Variants in FAM222A observed in about 807,000 individuals in gnomAD.
FAM222A encodes family with sequence similarity 222 member A.
In FAM222A, 7 loss-of-function variants were observed where a neutral mutation model predicts 25.8. That is an observed-to-expected ratio of 0.27 (90% CI 0.15 to 0.51). FAM222A has a LOEUF of 0.51. FAM222A is among the 20% of genes least tolerant of loss of function. The pLI, the probability that FAM222A is intolerant of heterozygous loss-of-function variation, is 0.97. For synonymous variants in FAM222A, 294 were observed against 298.8 expected (o/e 0.98, Z 0.17); for missense variants, 573 against 640.5 (o/e 0.89, Z 1.14).
At chr12:109,726,427 A>G (rs4766626) in intron 1 of FAM222A, among the ~76,000 whole-genome samples, 1 of 152,044 alleles carries the variant, frequency 6.6e-6, no homozygotes, top group Non-Finnish European at 1.5e-5. Flanking sequence ...TGTGAGGGCC[A>G]CAGTCCCACA....
At chr12:109,755,287 C>T (rs373834928) in intron 2 of FAM222A, among the ~76,000 whole-genome samples, 193 of 49,426 alleles carry the variant, frequency 3.9e-3, no homozygotes, top group African/African-American at 0.017. Context: ...TGTAATTCTT[C>T]TTTTTTTTTT....
At chr12:109,766,062 G>A (rs1468649263) in intron 2 of FAM222A, among the ~76,000 whole-genome samples, 4 of 152,156 alleles carry the variant, frequency 2.6e-5, no homozygotes, top group Admixed American at 1.3e-4. Flanking sequence ...TGAGCTCCAA[G>A]CACCTATCAT....
chr12:109,720,503 G>A (rs1242489894), intron 1 of FAM222A, among the ~76,000 whole-genome samples: 2 of 152,246 alleles, frequency 1.3e-5, no homozygotes, highest in African/African-American at 4.8e-5. Context: ...TGAATGCAGG[G>A]CTTGGCCCTG....
intron 2 of FAM222A, among the ~76,000 whole-genome samples, chr12:109,756,160 T>C (rs970527118): frequency 6.6e-6 from 1 of 152,252 alleles, no homozygotes; most frequent in Admixed American, 6.5e-5. Context: ...TTTGCTCTTT[T>C]GTTAAATTTA....
intron 1 of FAM222A, 57 bp from the exon 2 acceptor site, chr12:109,744,044 G>A: frequency 1.3e-6 from 2 of 1,486,972 alleles, no homozygotes; most frequent in Non-Finnish European, 1.8e-6. Context: ...GGGGAATGGT[G>A]GGAGGCGAAC....
chr12:109,762,778 A>G (rs954737726), intron 2 of FAM222A, among the ~76,000 whole-genome samples: 1 of 152,206 alleles, frequency 6.6e-6, no homozygotes, highest in Admixed American at 6.5e-5. Context: ...TGAGCTCAGG[A>G]AAGTCCTTCA....
At chr12:109,755,018 C>T (rs1842894258) in intron 2 of FAM222A, among the ~76,000 whole-genome samples, 1 of 152,102 alleles carries the variant, frequency 6.6e-6, no homozygotes, top group Non-Finnish European at 1.5e-5. Context: ...AGTTGTAAAA[C>T]TTCTTCATAT....
intron 1 of FAM222A, among the ~76,000 whole-genome samples, chr12:109,717,002 C>T (rs762277721): frequency 5.3e-4 from 80 of 152,208 alleles, no homozygotes; most frequent in African/African-American, 1.7e-3. Context: ...TGCAGAGGTT[C>T]GGTCCTGAAT....
At chr12:109,761,356 C>T (rs556139308) in intron 2 of FAM222A, among the ~76,000 whole-genome samples, 4 of 152,308 alleles carry the variant, frequency 2.6e-5, no homozygotes, top group African/African-American at 7.2e-5. Context: ...AAGGGCACTA[C>T]CCCAGGCTCC....
At chr12:109,757,614 A>G (rs1039825403) in intron 2 of FAM222A, among the ~76,000 whole-genome samples, 1 of 152,216 alleles carries the variant, frequency 6.6e-6, no homozygotes, top group Non-Finnish European at 1.5e-5. Context: ...CAGGATAGAA[A>G]GGATTTCCAA....
chr12:109,738,567 A>C (rs1459450638), intron 1 of FAM222A, among the ~76,000 whole-genome samples: 1 of 152,178 alleles, frequency 6.6e-6, no homozygotes, highest in Non-Finnish European at 1.5e-5. Flanking sequence ...GGCCCTGAGG[A>C]GTGGCCAGCA....
chr12:109,736,543 C>A (rs1888092179), intron 1 of FAM222A, among the ~76,000 whole-genome samples: 1 of 151,980 alleles, frequency 6.6e-6, no homozygotes, highest in African/African-American at 2.4e-5. Flanking sequence ...TACATCATGA[C>A]CCCCCCAGGC....
At chr12:109,749,621 A>G (rs1259504822) in intron 2 of FAM222A, among the ~76,000 whole-genome samples, 3 of 152,182 alleles carry the variant, frequency 2.0e-5, no homozygotes, top group Non-Finnish European at 2.9e-5. Flanking sequence ...CCCATTAATT[A>G]GGCTATTAGG....
chr12:109,761,493 C>G (rs1253326294), intron 2 of FAM222A, among the ~76,000 whole-genome samples: 1 of 152,206 alleles, frequency 6.6e-6, no homozygotes, highest in African/African-American at 2.4e-5. Context: ...ATCCCATAAC[C>G]CGGGCCCTCT....
intron 2 of FAM222A, among the ~76,000 whole-genome samples, chr12:109,750,443 A>G (rs1888530832): frequency 6.6e-6 from 1 of 152,216 alleles, no homozygotes; most frequent in Non-Finnish European, 1.5e-5. Context: ...AGGTGGGAGG[A>G]TCACTTGAAG....
chr12:109,722,998 C>T (rs1158955981), intron 1 of FAM222A, among the ~76,000 whole-genome samples: 2 of 25,950 alleles, frequency 7.7e-5, no homozygotes, highest in Non-Finnish European at 1.3e-4. Context: ...TTGGAGGGAG[C>T]GGGTGGGGGG....
rs545423908 is a variant in FAM222A, at chr12:109,744,596, T to C, written c.82+368T>C. 46 of 985,388 alleles carry C rather than the reference T, an allele frequency of 4.7e-5. No individual in the cohort carries two copies. In the African/African-American group the frequency reaches 7.8e-4, roughly 17 times the overall value. The allele number at this position is 985,388 out of a possible 1,614,324, so 61.0% of individuals were successfully genotyped here. A position where few individuals can be genotyped will look rare whatever the true frequency, so the allele number is the denominator to read the frequency against. On this transcript the variant is annotated intron_variant, in intron 2 of 2. Transcript: ENST00000538780. ...ACGTGGAAGCAAAAAATAGACAGAATGGGGTCCCCGCTTGAGGCCCATGAG... is the reference window on the plus strand; with the variant it reads ...ACGTGGAAGCAAAAAATAGACAGAACGGGGTCCCCGCTTGAGGCCCATGAG...
At chr12:109,753,561 G>C (rs572875685) in intron 2 of FAM222A, among the ~76,000 whole-genome samples, 1 of 108,872 alleles carries the variant, frequency 9.2e-6, no homozygotes, top group African/African-American at 3.6e-5. Flanking sequence ...CCCCATCCCG[G>C]GGGGGGGAGC....
Position 109,769,553 on chromosome 12 carries a change from A to C in FAM222A, c.*265A>C. On this transcript the variant is annotated 3_prime_UTR_variant, in exon 3 of 3. Transcript: ENST00000538780. ...GCCACTGACGCCCATGCCTTCCTTTATCTAAGCTGGCAGAGGCAGGGAGAG... is the reference window on the plus strand; with the variant it reads ...GCCACTGACGCCCATGCCTTCCTTTCTCTAAGCTGGCAGAGGCAGGGAGAG... The C allele has an allele frequency of 1.9e-6, 1 of 514,288 alleles. No homozygotes were observed. The allele number at this position is 514,288 out of a possible 1,614,324, so 31.9% of individuals were successfully genotyped here. A position where few individuals can be genotyped will look rare whatever the true frequency, so the allele number is the denominator to read the frequency against.
Sources: gnomAD v4.1 joint callset for allele counts (sites outside exome capture counted in the v4.1 genomes callset) on GRCh38, gnomAD v4.1.1 for gene constraint, MANE v1.5 for transcripts, NCBI Gene and HGNC (gene_info 2026-07-23, HGNC 2026-07-21) for gene names.